The following PAG1 variants were observed in gnomAD, a reference collection of about 807,000 sequenced individuals.
The protein encoded by PAG1 is phosphoprotein membrane anchor with glycosphingolipid microdomains 1, also known as phosphoprotein associated with glycosphingolipid-enriched microdomains 1.
A neutral mutation model predicts 31.7 loss-of-function variants in PAG1; 23 were observed. The observed-to-expected ratio is 0.73, with a 90% CI of 0.52 to 1.03. PAG1 has a LOEUF of 1.03. Among genes scored for constraint, PAG1 ranks in the 50% least tolerant of loss-of-function variants. PAG1 has a pLI of 0.00. For missense variants in PAG1, 473 were observed against 540.7 expected (o/e 0.87, Z 1.24); for synonymous variants, 214 against 210.3 (o/e 1.02, Z -0.15).
chr8:81,093,286 T>A (rs1400251502), intron 1 of PAG1, among the ~76,000 whole-genome samples: 2 of 152,126 alleles, frequency 1.3e-5, no homozygotes, highest in African/African-American at 4.8e-5. Context: ...TGATTAATTT[T>A]AAAAAGTCTG....
chr8:81,005,655 T>C (rs891565111), intron 3 of PAG1, among the ~76,000 whole-genome samples: 1 of 152,198 alleles, frequency 6.6e-6, no homozygotes, highest in Non-Finnish European at 1.5e-5. Flanking sequence ...GCGTGTTCTG[T>C]CAACTGAAGT....
Position 81,084,595 on chromosome 8 carries a change from C to G in PAG1, c.-233-14425G>C, listed in dbSNP as rs774342725. 5.3e-5 allele frequency among the ~76,000 whole-genome samples: 8 copies of G among 152,036 alleles called. 1 individual carries two copies. ...CATTTTGCAATTATTACCCTTAATA[C>G]GAGAGGTTTTTAGTTTTCTTCCTAC... On this transcript the variant is annotated intron_variant, in intron 1 of 8. Coordinates refer to ENST00000220597, the MANE Select transcript of PAG1 (RefSeq NM_018440.4).
At chr8:81,079,820 G>A (rs965455890) in intron 1 of PAG1, among the ~76,000 whole-genome samples, 2 of 151,928 alleles carry the variant, frequency 1.3e-5, no homozygotes, top group Non-Finnish European at 2.9e-5. Flanking sequence ...TCAGGCTGGA[G>A]TACAGTGGCA....
intron 1 of PAG1, among the ~76,000 whole-genome samples, chr8:81,111,368 T>C (rs1809770704): frequency 6.6e-6 from 1 of 152,262 alleles, no homozygotes; most frequent in East Asian, 1.9e-4. Flanking sequence ...ACCTGTCCTC[T>C]CCCAGCATAT....
Position 80,993,640 on chromosome 8 carries a change from T to G in PAG1, c.-80-333A>C, listed in dbSNP as rs1807607573. 2.0e-5 allele frequency among the ~76,000 whole-genome samples: 3 copies of G among 151,560 alleles called. No homozygotes were observed. In the South Asian group the frequency reaches 6.3e-4, roughly 32 times the overall value. ...TTTCTTCAACCAGGGTCTTGCTCTG[T>G]TGCCCAGAGTACAGGGGCGCAATCA... is the stretch of plus-strand genomic sequence containing the variant. On this transcript the variant is annotated intron_variant, in intron 3 of 8. Transcript: ENST00000220597.
At chr8:81,046,795 A>G (rs747983368) in intron 2 of PAG1, among the ~76,000 whole-genome samples, 1 of 152,146 alleles carries the variant, frequency 6.6e-6, no homozygotes, top group Non-Finnish European at 1.5e-5. Flanking sequence ...TCACCTAGGT[A>G]TTAAGCCCAG....
At chr8:81,087,477 C>T (rs2131046688) in intron 1 of PAG1, among the ~76,000 whole-genome samples, 1 of 152,192 alleles carries the variant, frequency 6.6e-6, no homozygotes, top group Non-Finnish European at 1.5e-5. Flanking sequence ...GAAATTCTTG[C>T]ATATTCTTTG....
chr8:81,060,054 C>T (rs115587261), intron 2 of PAG1, among the ~76,000 whole-genome samples: 1,636 of 151,410 alleles, frequency 0.011, 35 homozygotes, highest in African/African-American at 0.037. Flanking sequence ...TAACCCCCTG[C>T]CTCTGAAAAT....
At chr8:80,996,080 T>A (rs1807666722) in intron 3 of PAG1, among the ~76,000 whole-genome samples, 1 of 152,254 alleles carries the variant, frequency 6.6e-6, no homozygotes, top group Non-Finnish European at 1.5e-5. Flanking sequence ...CAGGTGCACG[T>A]TTCTGAGTCA....
chr8:81,016,931 G>C (rs77342698), intron 3 of PAG1, among the ~76,000 whole-genome samples: 1 of 152,138 alleles, frequency 6.6e-6, no homozygotes, highest in Non-Finnish European at 1.5e-5. Flanking sequence ...ATGACTGAGA[G>C]GCCAAAGGAA....
chr8:81,030,484 A>T (rs1200448082), intron 2 of PAG1, among the ~76,000 whole-genome samples: 1 of 152,224 alleles, frequency 6.6e-6, no homozygotes, highest in African/African-American at 2.4e-5. Flanking sequence ...AAAACAAGTG[A>T]TTTATTTGAA....
chr8:80,987,259 TA>T (rs1483828975), intron 6 of PAG1, 110 bp downstream of exon 6: 3 of 724,936 alleles, frequency 4.1e-6, no homozygotes, highest in East Asian at 2.5e-5. Context: ...CTAGGAATAC[TA>T]AAACTGAGCA....
At chr8:81,033,855 G>A (rs1031443727) in intron 2 of PAG1, among the ~76,000 whole-genome samples, 11 of 152,202 alleles carry the variant, frequency 7.2e-5, no homozygotes, top group Non-Finnish European at 1.3e-4. Context: ...CTGAGCCCCC[G>A]CTGGCAGTGC....
chr8:80,983,814 A>G (rs929383185), intron 7 of PAG1, among the ~76,000 whole-genome samples: 2 of 152,230 alleles, frequency 1.3e-5, no homozygotes, highest in African/African-American at 4.8e-5. Flanking sequence ...CTGCATTTTT[A>G]TATTTTATGA....
intron 1 of PAG1, 71 bp from the exon 2 acceptor site, chr8:81,070,241 A>T (rs1031048684): frequency 1.3e-5 from 2 of 152,242 alleles, no homozygotes; most frequent in African/African-American, 4.8e-5. Context: ...AATTAAGAGT[A>T]AAATGATCAT....
intron 2 of PAG1, among the ~76,000 whole-genome samples, chr8:81,055,766 A>G (rs930662430): frequency 5.3e-5 from 8 of 152,106 alleles, no homozygotes; most frequent in African/African-American, 1.4e-4. Flanking sequence ...TTTGTCTGTT[A>G]TTGGTGTATA....
intron 3 of PAG1, among the ~76,000 whole-genome samples, chr8:80,995,173 C>T (rs1452712707): frequency 1.3e-5 from 2 of 152,214 alleles, no homozygotes; most frequent in Non-Finnish European, 2.9e-5. Context: ...GAAAAAGAGA[C>T]TTTTACCTAC....
At position 80,987,386 on chromosome 8, in the gene PAG1, T is replaced by C. The variant is rs780842460; in HGVS notation, c.258A>G (p.Ala86=). 3.1e-6 allele frequency: 5 copies of C among 1,611,424 alleles called. No homozygotes were observed. The highest frequency in any genetic ancestry group is 3.3e-4 in the Middle Eastern group (2 of 6,056). The change falls in exon 6 of 9, where the codon GCA becomes GCG. Residue 86 remains alanine (A), a synonymous_variant. Coordinates refer to ENST00000220597, the MANE Select transcript of PAG1 (RefSeq NM_018440.4). ...DAPASSEQNG[A]LTNGDILSED... ...AGAACTTACTGTCCCCATTGGTGAGTGCCCCATTCTGCTCACTGCTGGCAG... is the reference window on the plus strand; with the variant it reads ...AGAACTTACTGTCCCCATTGGTGAGCGCCCCATTCTGCTCACTGCTGGCAG...
intron 2 of PAG1, among the ~76,000 whole-genome samples, chr8:81,045,526 G>A (rs923881830): frequency 2.6e-5 from 4 of 152,204 alleles, no homozygotes; most frequent in African/African-American, 9.6e-5. Flanking sequence ...TGGAAGGAGG[G>A]TGAGATGGGG....
Sources: allele counts gnomAD v4.1 joint callset (sites outside exome capture counted in the v4.1 genomes callset), GRCh38; gene constraint gnomAD v4.1.1; transcripts MANE v1.5; gene names NCBI Gene and HGNC (gene_info 2026-07-23, HGNC 2026-07-21).